The following GRM7 variants were observed in gnomAD, a reference collection of about 807,000 sequenced individuals.
GRM7 encodes glutamate metabotropic receptor 7.
A neutral mutation model predicts 84.5 loss-of-function variants in GRM7; 35 were observed. The ratio of observed to expected loss-of-function variants is 0.41; its 90% CI spans 0.32 to 0.55. The LOEUF is 0.55. GRM7 is among the 20% of genes least tolerant of loss of function. The probability of loss-of-function intolerance (pLI) is 0.19; values close to 1 mark genes in which losing one functional copy is unlikely to be tolerated. For missense variants in GRM7, 1,003 were observed against 1,194.6 expected, an observed-to-expected ratio of 0.84 and a Z score of 2.36; for synonymous variants, 487 against 455.1, an observed-to-expected ratio of 1.07 and a Z score of -0.89.
intron 1 of GRM7, among the ~76,000 whole-genome samples, chr3:7,031,826 C>G (rs1482747159): frequency 6.6e-6 from 1 of 152,004 alleles, no homozygotes; most frequent in Non-Finnish European, 1.5e-5. Context: ...CTGTGTAGCA[C>G]AAGGCCAAGC....
rs1481393796 is a variant in GRM7, at chr3:7,648,990, G to C, written c.2452-31059G>C. ...AGGAAGCACTCATTGTTTCCCCCCA[G>C]GCCCCTTAGCACTGTGTGTCTGCCA... On this transcript the variant is annotated intron_variant, in intron 8 of 9. Coordinates refer to ENST00000357716, the MANE Select transcript of GRM7 (RefSeq NM_000844.4). 3.3e-5 allele frequency among the ~76,000 whole-genome samples: 5 copies of C among 152,088 alleles called. No homozygotes were observed. The East Asian group carries it at 9.6e-4, about 29-fold the overall frequency.
intron 7 of GRM7, among the ~76,000 whole-genome samples, chr3:7,511,059 C>T (rs565484647): frequency 1.3e-5 from 2 of 152,140 alleles, no homozygotes; most frequent in Non-Finnish European, 2.9e-5. Flanking sequence ...AAGACTTGGA[C>T]TCTAGGTAGC....
At chr3:7,169,918 G>T (rs1214150738) in intron 2 of GRM7, among the ~76,000 whole-genome samples, 1 of 152,082 alleles carries the variant, frequency 6.6e-6, no homozygotes, top group Non-Finnish European at 1.5e-5. Flanking sequence ...AAAAATAGAG[G>T]TATATATAGG....
intron 3 of GRM7, among the ~76,000 whole-genome samples, chr3:7,304,653 T>C (rs1052410945): frequency 1.3e-5 from 2 of 152,108 alleles, no homozygotes; most frequent in Admixed American, 6.6e-5. Flanking sequence ...TTTCCAACTT[T>C]TTGTTGTTTT....
At chr3:7,455,381 C>T (rs1345916666) in intron 6 of GRM7, among the ~76,000 whole-genome samples, 1 of 152,024 alleles carries the variant, frequency 6.6e-6, no homozygotes, top group African/African-American at 2.4e-5. Flanking sequence ...CACCAAGATA[C>T]ATATGAATAA....
chr3:7,347,285 G>A (rs2125086844), intron 4 of GRM7, among the ~76,000 whole-genome samples: 1 of 152,218 alleles, frequency 6.6e-6, no homozygotes, highest in Admixed American at 6.5e-5. Flanking sequence ...CTTAGAGTTT[G>A]AGAAAACATG....
chr3:7,298,758 A>T lies in GRM7; in HGVS notation c.811A>T (p.Ile271Phe). The change falls in exon 3 of 10, where the codon ATC becomes TTC. Residue 271 changes from isoleucine (I) to phenylalanine (F), a missense_variant. Ile to Phe is a conservative substitution (Grantham distance 21). Coordinates refer to ENST00000357716, the MANE Select transcript of GRM7 (RefSeq NM_000844.4). ...CAGGACCATTGACTTTGATAGAATT[A>T]TCAAACAGCTCCTGGACACCCCCAA... is the stretch of plus-strand genomic sequence containing the variant. ...KDRTIDFDRI[I>F]KQLLDTPNSR... 6.2e-7 allele frequency: 1 copy of T among 1,613,818 alleles called. No homozygotes were observed. Among genetic ancestry groups the T allele is most frequent in the Non-Finnish European group, 8.5e-7 (1 of 1,179,768 alleles).
intron 7 of GRM7, among the ~76,000 whole-genome samples, chr3:7,577,684 C>T (rs796890261): frequency 9.8e-5 from 15 of 152,292 alleles, no homozygotes; most frequent in African/African-American, 3.4e-4. Context: ...TAAATGTCAT[C>T]TGCAAATGGG....
At chr3:7,356,172 A>T (rs191993948) in intron 4 of GRM7, among the ~76,000 whole-genome samples, 1 of 152,240 alleles carries the variant, frequency 6.6e-6, no homozygotes, top group East Asian at 1.9e-4. Context: ...AAGGAGCATG[A>T]TGGGCAAATT....
chr3:7,456,713 A>G (rs952186073), intron 6 of GRM7, among the ~76,000 whole-genome samples: 1 of 150,240 alleles, frequency 6.7e-6, no homozygotes, highest in Non-Finnish European at 1.5e-5. Flanking sequence ...TTTTGTCATC[A>G]TTGTAATCAC....
chr3:6,864,810 C>G (rs926987489), intron 1 of GRM7, among the ~76,000 whole-genome samples: 3 of 152,132 alleles, frequency 2.0e-5, no homozygotes, highest in African/African-American at 7.2e-5. Flanking sequence ...TGCTGCTGCC[C>G]CCAGCAAAGT....
chr3:7,086,857 C>T (rs1023280427), intron 1 of GRM7, among the ~76,000 whole-genome samples: 4 of 152,210 alleles, frequency 2.6e-5, no homozygotes, highest in Admixed American at 6.5e-5. Context: ...CTTTGCTTCA[C>T]TTAGAGGTCA....
chr3:7,356,624 T>G (rs993698596), intron 4 of GRM7, among the ~76,000 whole-genome samples: 7 of 152,074 alleles, frequency 4.6e-5, no homozygotes, highest in Non-Finnish European at 1.0e-4. Flanking sequence ...ATTTTAATAA[T>G]CAAGTAGATA....
At chr3:7,452,048 A>C (rs1697792243) in intron 5 of GRM7, among the ~76,000 whole-genome samples, 2 of 152,180 alleles carry the variant, frequency 1.3e-5, no homozygotes, top group Non-Finnish European at 2.9e-5. Context: ...TCAGTACTTC[A>C]CAGGTAGGAC....
chr3:7,739,237 G>A (rs1258616379), intron 9 of GRM7, among the ~76,000 whole-genome samples: 2 of 152,136 alleles, frequency 1.3e-5, no homozygotes, highest in Non-Finnish European at 2.9e-5. Context: ...AATCATGTAT[G>A]TACCTGTAAC....
intron 2 of GRM7, among the ~76,000 whole-genome samples, chr3:7,206,224 G>A (rs1375153134): frequency 1.3e-5 from 2 of 152,192 alleles, no homozygotes; most frequent in Non-Finnish European, 2.9e-5. Context: ...AGGGAAATCA[G>A]AAGGTAATGA....
chr3:6,942,252 A>G (rs1032245567), intron 1 of GRM7, among the ~76,000 whole-genome samples: 3 of 152,156 alleles, frequency 2.0e-5, no homozygotes, highest in African/African-American at 7.2e-5. Flanking sequence ...GTGAGGATTA[A>G]AAGATATAAT....
At chr3:7,274,725 T>G (rs775057301) in intron 2 of GRM7, among the ~76,000 whole-genome samples, 13 of 152,076 alleles carry the variant, frequency 8.5e-5, no homozygotes, top group Non-Finnish European at 1.5e-4. Context: ...TTTCTGTAGT[T>G]TGAAAATCGT....
intron 5 of GRM7, among the ~76,000 whole-genome samples, chr3:7,441,437 G>C (rs183866924): frequency 6.6e-6 from 1 of 151,828 alleles, no homozygotes; most frequent in African/African-American, 2.4e-5. Flanking sequence ...CAATTTTTTG[G>C]GTTGTCTGTT....
Sources: allele counts gnomAD v4.1 joint callset (sites outside exome capture counted in the v4.1 genomes callset), GRCh38; gene constraint gnomAD v4.1.1; transcripts MANE v1.5; gene names NCBI Gene and HGNC (gene_info 2026-07-23, HGNC 2026-07-21).